The following GRXCR1 variants were observed in gnomAD, a reference collection of about 807,000 sequenced individuals.
The protein encoded by GRXCR1 is glutaredoxin domain-containing cysteine-rich protein 1.
A neutral mutation model predicts 27.3 loss-of-function variants in GRXCR1; 27 were observed. The ratio of observed to expected loss-of-function variants is 0.99; its 90% confidence interval spans 0.73 to 1.37. The LOEUF is 1.37. Ranked by LOEUF, GRXCR1 falls within the 40% of genes most tolerant of loss-of-function variation. GRXCR1 has a pLI of 0.00. For missense variants in GRXCR1, 379 were observed against 354.4 expected, an observed-to-expected ratio of 1.07 and a Z score of -0.56; for synonymous variants, 122 against 131.1, an observed-to-expected ratio of 0.93 and a Z score of 0.47.
At chr4:42,997,498 C>T (rs1314458744) in intron 2 of GRXCR1, among the ~76,000 whole-genome samples, 1 of 152,168 alleles carries the variant, frequency 6.6e-6, no homozygotes, top group African/African-American at 2.4e-5. Flanking sequence ...TGGGACCTTG[C>T]TAACACTGGA....
chr4:42,991,787 G>A (rs1711983338), intron 2 of GRXCR1, among the ~76,000 whole-genome samples: 1 of 151,944 alleles, frequency 6.6e-6, no homozygotes, highest in South Asian at 2.1e-4. Context: ...TAAAAAGTAA[G>A]TTTTTTTCAC....
At chr4:42,933,477 C>T (rs1213007583) in intron 1 of GRXCR1, among the ~76,000 whole-genome samples, 1 of 151,982 alleles carries the variant, frequency 6.6e-6, no homozygotes, top group Non-Finnish European at 1.5e-5. Flanking sequence ...ACTACTTGCT[C>T]AGTGAAGTGA....
At chr4:42,896,205 G>A (rs2109735024) in intron 1 of GRXCR1, among the ~76,000 whole-genome samples, 1 of 152,034 alleles carries the variant, frequency 6.6e-6, no homozygotes, top group East Asian at 1.9e-4. Flanking sequence ...ATAAAACATT[G>A]GTATATGTCC....
chr4:42,941,462 A>T (rs1305291644), intron 1 of GRXCR1, among the ~76,000 whole-genome samples: 1 of 152,038 alleles, frequency 6.6e-6, no homozygotes, highest in Non-Finnish European at 1.5e-5. Context: ...AGTTCCTCAT[A>T]GTTCCCACTA....
intron 1 of GRXCR1, among the ~76,000 whole-genome samples, chr4:42,919,765 C>T (rs148044218): frequency 6.6e-6 from 1 of 152,126 alleles, no homozygotes; most frequent in African/African-American, 2.4e-5. Context: ...ATTCCCAGAA[C>T]TCATTCTTTA....
At chr4:43,004,498 A>G (rs1342886462) in intron 2 of GRXCR1, among the ~76,000 whole-genome samples, 2 of 152,176 alleles carry the variant, frequency 1.3e-5, no homozygotes, top group Non-Finnish European at 2.9e-5. Flanking sequence ...CACCTGGAAA[A>G]ACCACAGGCA....
At chr4:42,992,466 T>A (rs1228731445) in intron 2 of GRXCR1, among the ~76,000 whole-genome samples, 1 of 152,108 alleles carries the variant, frequency 6.6e-6, no homozygotes. Flanking sequence ...TAGGGAGCTA[T>A]TTTTTTCTGC....
intron 2 of GRXCR1, among the ~76,000 whole-genome samples, chr4:43,010,920 G>C (rs1712730274): frequency 6.6e-6 from 1 of 152,084 alleles, no homozygotes; most frequent in Non-Finnish European, 1.5e-5. Flanking sequence ...CTACATGATA[G>C]AAATATTTTT....
At chr4:42,929,039 A>T (rs1747237433) in intron 1 of GRXCR1, among the ~76,000 whole-genome samples, 1 of 152,020 alleles carries the variant, frequency 6.6e-6, no homozygotes, top group Non-Finnish European at 1.5e-5. Flanking sequence ...ATACACTACC[A>T]TCTGAAACTC....
At chr4:42,930,755 A>G (rs1005803295) in intron 1 of GRXCR1, among the ~76,000 whole-genome samples, 2 of 152,026 alleles carry the variant, frequency 1.3e-5, no homozygotes, top group African/African-American at 4.8e-5. Flanking sequence ...ATCGATAGAC[A>G]TAGTGATCAG....
chr4:42,948,973 A>AT (rs1169289282), intron 1 of GRXCR1, among the ~76,000 whole-genome samples: 5 of 152,168 alleles, frequency 3.3e-5, no homozygotes, highest in African/African-American at 4.8e-5. Context: ...GTTGAGATAA[A>AT]TTTTTTGTGT....
At chr4:42,897,556 A>T (rs1746372897) in intron 1 of GRXCR1, among the ~76,000 whole-genome samples, 1 of 152,122 alleles carries the variant, frequency 6.6e-6, no homozygotes, top group Non-Finnish European at 1.5e-5. Flanking sequence ...TTGTATTTAT[A>T]AGCATTCTAA....
intron 3 of GRXCR1, among the ~76,000 whole-genome samples, chr4:43,024,715 A>T (rs10010869): frequency 0.063 from 9,651 of 152,062 alleles, 947 homozygotes; most frequent in African/African-American, 0.21. Context: ...GATTCTATTT[A>T]TTTTTTTAGC....
intron 1 of GRXCR1, among the ~76,000 whole-genome samples, chr4:42,917,230 T>C (rs150073600): frequency 6.8e-4 from 104 of 152,230 alleles, no homozygotes; most frequent in African/African-American, 2.4e-3. Context: ...AAAAATCTAA[T>C]CTGATTTTAT....
At chr4:42,903,330 T>TTC (rs1746508951) in intron 1 of GRXCR1, among the ~76,000 whole-genome samples, 1 of 135,648 alleles carries the variant, frequency 7.4e-6, no homozygotes, top group South Asian at 3.0e-4. Context: ...TTTTTTTTTT[T>TTC]TTTTTTAGAC....
At position 42,914,273 on chromosome 4, in the gene GRXCR1, G is replaced by T. The variant is rs538315300; in HGVS notation, c.384+20623G>T. 9.2e-5 allele frequency among the ~76,000 whole-genome samples: 14 copies of T among 152,374 alleles called. No homozygotes were observed. In the South Asian group the frequency reaches 2.7e-3, roughly 29 times the overall value. The stretch of plus-strand genomic sequence containing the variant: ...TCAGCCTATGAAAGCAGCTGGGAGG[G>T]GGGCTGTATCCTGCAAAGCCACAGG... On this transcript the variant is annotated intron_variant, in intron 1 of 3. Transcript: ENST00000399770.
chr4:42,975,166 TGAGCATTGTA>T (rs985043102), intron 2 of GRXCR1, among the ~76,000 whole-genome samples: 4 of 152,138 alleles, frequency 2.6e-5, no homozygotes, highest in African/African-American at 9.7e-5. Flanking sequence ...AAAAACCTTT[TGAGCATTGTA>T]GGAGCCAAAA....
At chr4:42,918,012 A>G (rs1028089536) in intron 1 of GRXCR1, among the ~76,000 whole-genome samples, 9 of 152,134 alleles carry the variant, frequency 5.9e-5, no homozygotes, top group Admixed American at 5.2e-4. Context: ...ACTGAAATAT[A>G]TATCTGCATA....
intron 1 of GRXCR1, among the ~76,000 whole-genome samples, chr4:42,953,270 G>C (rs1338564429): frequency 6.6e-6 from 1 of 152,104 alleles, no homozygotes; most frequent in Admixed American, 6.6e-5. Context: ...AATCTGTGTG[G>C]GTTTTCATGA....
Sources: gnomAD v4.1 joint callset for allele counts (sites outside exome capture counted in the v4.1 genomes callset) on GRCh38, gnomAD v4.1.1 for gene constraint, MANE v1.5 for transcripts, NCBI Gene and HGNC (gene_info 2026-07-23, HGNC 2026-07-21) for gene names.